SDK1: variants seen among roughly 807,000 people sequenced by gnomAD.
The protein encoded by SDK1 is protein sidekick-1.
In SDK1, 157 loss-of-function variants were observed where a neutral mutation model predicts 245.5. The observed-to-expected ratio is 0.64, with a 90% CI of 0.56 to 0.73. The LOEUF (loss-of-function observed/expected upper bound fraction) is 0.73, where lower values mean the gene tolerates loss of function less well. SDK1 is among the 30% of genes least tolerant of loss of function. SDK1 has a pLI of 0.00. For synonymous variants in SDK1, 1,647 were observed against 1,278.5 expected, an observed-to-expected ratio of 1.29 and a Z score of -6.15; for missense variants, 3,583 against 3,002.3, an observed-to-expected ratio of 1.19 and a Z score of -4.52.
At chr7:4,057,410 C>T (rs988325971) in intron 19 of SDK1, among the ~76,000 whole-genome samples, 2 of 152,214 alleles carry the variant, frequency 1.3e-5, no homozygotes, top group South Asian at 2.1e-4. Context: ...CATTCCTACA[C>T]ACCACCCCTG....
chr7:4,026,077 G>A lies in SDK1; in HGVS notation c.2602+8725G>A, dbSNP rs891554899. Among the ~76,000 whole-genome samples, 1 of 150,722 alleles carries A rather than the reference G, an allele frequency of 6.6e-6. No homozygotes were observed. Among genetic ancestry groups the A allele is most frequent in the Non-Finnish European group, 1.5e-5 (1 of 68,034 alleles). On this transcript the variant is annotated intron_variant, in intron 17 of 44. Transcript: ENST00000404826. The surrounding 1 kb of genome is among the most constrained non-coding windows in gnomAD (Gnocchi z 4.1). ...CAGCGTTGGGGAGGTATGCCACTCA[G>A]CACCCTGGACACGCCAGGCCGCAGC...
chr7:3,319,013 C>T (rs1475322567), intron 1 of SDK1, among the ~76,000 whole-genome samples: 1 of 150,772 alleles, frequency 6.6e-6, no homozygotes, highest in Admixed American at 6.6e-5. Context: ...TGGGGGTGGC[C>T]TGAGGAAGGA....
Position 4,179,736 on chromosome 7 carries a change from CAG to C in SDK1, c.5098+1155_5098+1156del, listed in dbSNP as rs149473823. ...ATGGTGGGGCCACCAAGGGTGCTGT[CAG>C]AGAGGGGTGCCAGGGTGCCGTCAGT... is the stretch of plus-strand genomic sequence containing the variant. On this transcript the variant is annotated intron_variant, in intron 35 of 44. Transcript: ENST00000404826. Among the ~76,000 whole-genome samples the C allele has an allele frequency of 4.1e-3, 627 of 151,888 alleles. 2 individuals carry two copies. The highest frequency in any genetic ancestry group is 0.015 in the African/African-American group (617 of 41,440).
At chr7:3,974,243 A>C (rs1782716650) in intron 12 of SDK1, 126 bp from the exon 13 acceptor site, 1 of 686,510 alleles carries the variant, frequency 1.5e-6, no homozygotes, top group Non-Finnish European at 2.4e-6. Context: ...TTTAAAGAGC[A>C]CAGTTCAGTG....
chr7:3,729,815 A>G (rs1452090874), intron 4 of SDK1, among the ~76,000 whole-genome samples: 1 of 151,968 alleles, frequency 6.6e-6, no homozygotes, highest in Non-Finnish European at 1.5e-5. Flanking sequence ...AGCTCTTATT[A>G]TTTAAGAACC....
At chr7:4,052,558 T>C (rs1295653707) in intron 19 of SDK1, among the ~76,000 whole-genome samples, 1 of 152,100 alleles carries the variant, frequency 6.6e-6, no homozygotes, top group Non-Finnish European at 1.5e-5. Context: ...GCAAAAATGG[T>C]CATGATATAA....
At chr7:4,253,760 C>G (rs986773725) in intron 44 of SDK1, among the ~76,000 whole-genome samples, 1 of 152,126 alleles carries the variant, frequency 6.6e-6, no homozygotes, top group Admixed American at 6.6e-5. Context: ...TGTCTCCCTT[C>G]AAATCTATTC....
chr7:3,508,732 C>G (rs951330607), intron 1 of SDK1, among the ~76,000 whole-genome samples: 7 of 152,140 alleles, frequency 4.6e-5, no homozygotes, highest in African/African-American at 1.4e-4. Flanking sequence ...ACACTTCGAA[C>G]CCTAGTATTG....
At chr7:3,926,897 G>C (rs902856929) in intron 5 of SDK1, among the ~76,000 whole-genome samples, 1 of 152,214 alleles carries the variant, frequency 6.6e-6, no homozygotes, top group African/African-American at 2.4e-5. Flanking sequence ...TTAGGGGCAA[G>C]GGTAGGCAGA....
At chr7:3,841,653 G>A (rs1264832062) in intron 5 of SDK1, among the ~76,000 whole-genome samples, 3 of 151,354 alleles carry the variant, frequency 2.0e-5, no homozygotes, top group Non-Finnish European at 2.9e-5. Flanking sequence ...TGCAACCTTC[G>A]CCTCCTGGGT....
intron 25 of SDK1, among the ~76,000 whole-genome samples, chr7:4,119,953 A>G (rs1437222757): frequency 6.7e-6 from 1 of 149,252 alleles, no homozygotes; most frequent in African/African-American, 2.4e-5. Context: ...CATTTTAAGT[A>G]AAGATTAAGG....
intron 4 of SDK1, among the ~76,000 whole-genome samples, chr7:3,682,681 T>G (rs762624780): frequency 2.6e-5 from 4 of 151,842 alleles, no homozygotes; most frequent in Non-Finnish European, 5.9e-5. Context: ...TGCTCTCCTC[T>G]CTCAGAAGGG....
chr7:3,754,476 C>T (rs1367961371), intron 4 of SDK1, among the ~76,000 whole-genome samples: 1 of 152,120 alleles, frequency 6.6e-6, no homozygotes, highest in Non-Finnish European at 1.5e-5. Context: ...TTTTATCAGC[C>T]TTTGGAGATA....
At chr7:3,406,230 G>C (rs1779051785) in intron 1 of SDK1, among the ~76,000 whole-genome samples, 1 of 152,162 alleles carries the variant, frequency 6.6e-6, no homozygotes, top group African/African-American at 2.4e-5. Flanking sequence ...CCATCTCTCT[G>C]ATCCGCCCTT....
rs566041908 is a variant in SDK1, at chr7:3,827,913, G to A, written c.847+6330G>A. ...TCGTTATGAGTAAGAAACAAACCTT[G>A]GTATGATAAGCAGTGAGATTTCAGC... is the stretch of plus-strand genomic sequence containing the variant. On this transcript the variant is annotated intron_variant, in intron 5 of 44. Coordinates refer to ENST00000404826, the MANE Select transcript of SDK1 (RefSeq NM_152744.4). Among the ~76,000 whole-genome samples the A allele has an allele frequency of 3.3e-5, 5 of 152,238 alleles. No individual in the cohort carries two copies. The South Asian group carries it at 1.0e-3, about 32-fold the overall frequency.
At chr7:4,051,885 G>A (rs749628835) in intron 19 of SDK1, 55 bp downstream of exon 19, 276 of 1,487,962 alleles carry the variant, frequency 1.9e-4, no homozygotes, top group East Asian at 3.3e-4. Flanking sequence ...GGTGTATACC[G>A]CTGCAACTTC....
chr7:3,560,471 G>T (rs889184211), intron 1 of SDK1, among the ~76,000 whole-genome samples: 5 of 151,892 alleles, frequency 3.3e-5, no homozygotes, highest in Admixed American at 6.6e-5. Context: ...AGTATCATTG[G>T]GTTTGACTTG....
intron 1 of SDK1, among the ~76,000 whole-genome samples, chr7:3,409,432 T>C (rs954670199): frequency 6.6e-6 from 1 of 152,142 alleles, no homozygotes; most frequent in Non-Finnish European, 1.5e-5. Flanking sequence ...GTGGCTGTTC[T>C]GCCTCTTCAC....
chr7:3,783,675 G>A, intron 4 of SDK1, among the ~76,000 whole-genome samples: 1 of 152,088 alleles, frequency 6.6e-6, no homozygotes, highest in East Asian at 1.9e-4. Context: ...CCTTTACACT[G>A]AAAACTAGAA....
Sources: allele counts gnomAD v4.1 joint callset (sites outside exome capture counted in the v4.1 genomes callset), GRCh38; gene constraint gnomAD v4.1.1; non-coding constraint Gnocchi (gnomAD v3.1); transcripts MANE v1.5; gene names NCBI Gene and HGNC (gene_info 2026-07-23, HGNC 2026-07-21).